Variants in RAD54L observed in about 807,000 individuals in gnomAD.
RAD54L encodes the protein DNA repair and recombination protein RAD54-like.
A neutral mutation model predicts 91.6 loss-of-function variants in RAD54L; 74 were observed. The observed-to-expected ratio is 0.81, with a 90% CI of 0.67 to 0.98. The LOEUF (loss-of-function observed/expected upper bound fraction) is 0.98. Ranked by LOEUF, RAD54L falls within the 50% of genes least tolerant of loss-of-function variation. RAD54L has a pLI of 0.00. For missense variants in RAD54L, 887 were observed against 945.7 expected (o/e 0.94, Z 0.81); for synonymous variants, 304 against 349.7 (o/e 0.87, Z 1.46).
In RAD54L at chr1:46,274,230, C is replaced by A; in HGVS notation, c.1689+14C>A. ...AATAGTCCATCGGTAAATGCACATC[C>A]CCGTCCCCACACCACCAATGCAGTA... On this transcript the variant is annotated intron_variant, in intron 15 of 17. Transcript: ENST00000371975. The A allele has an allele frequency of 6.3e-7, 1 of 1,596,008 alleles. No homozygotes were observed. Among genetic ancestry groups the A allele is most frequent in the East Asian group, 2.2e-5 (1 of 44,770 alleles).
intron 16 of RAD54L, among the ~76,000 whole-genome samples, chr1:46,275,750 A>G (rs1322280551): frequency 1.3e-5 from 2 of 152,158 alleles, no homozygotes; most frequent in African/African-American, 4.8e-5. Context: ...ACCTACCTTC[A>G]AATATACTAC....
intron 3 of RAD54L, among the ~76,000 whole-genome samples, chr1:46,250,968 CAA>C (rs538894200): frequency 9.3e-6 from 1 of 107,904 alleles, no homozygotes. Context: ...GACTCGGTCT[CAA>C]AAAAAAAAAA....
intron 3 of RAD54L, among the ~76,000 whole-genome samples, chr1:46,254,320 C>T (rs1164359176): frequency 2.0e-5 from 3 of 150,368 alleles, no homozygotes; most frequent in Non-Finnish European, 4.4e-5. Context: ...AGGAAGGGGT[C>T]CCAAAGGCAA....
intron 12 of RAD54L, 90 bp downstream of exon 12, chr1:46,272,892 C>A (rs1402081225): frequency 6.5e-7 from 1 of 1,546,874 alleles, no homozygotes; most frequent in Non-Finnish European, 8.9e-7. Flanking sequence ...CACTAAAACT[C>A]GTCCAGAGTC....
In RAD54L at chr1:46,260,749, G is replaced by C; in HGVS notation, c.500G>C (p.Cys167Ser). 1 of 1,614,204 alleles carries C rather than the reference G, an allele frequency of 6.2e-7. No homozygotes were observed. Among genetic ancestry groups the C allele is most frequent in the Non-Finnish European group, 8.5e-7 (1 of 1,180,044 alleles). The part of the protein sequence containing the change: ...QREGVKFLWE[C>S]VTSRRIPGSH... Reference sequence around the variant, plus strand: ...TAGGGAGTGAAATTCCTGTGGGAGTGTGTCACCAGTCGGCGCATCCCTGGC... The same window carrying C: ...TAGGGAGTGAAATTCCTGTGGGAGTCTGTCACCAGTCGGCGCATCCCTGGC... The change falls in exon 7 of 18, where the codon TGT becomes TCT. Residue 167 changes from cysteine (C) to serine (S), a missense_variant. Cys to Ser is a moderately radical substitution (Grantham distance 112, BLOSUM62 -1). Transcript: ENST00000371975.
intron 12 of RAD54L, among the ~76,000 whole-genome samples, chr1:46,273,047 G>C (rs963181207): frequency 1.3e-5 from 2 of 152,216 alleles, no homozygotes; most frequent in African/African-American, 4.8e-5. Context: ...TGTGTCGACT[G>C]TTTGTGAGTG....
Position 46,267,489 on chromosome 1 carries a change from A to T in RAD54L, c.922A>T (p.Thr308Ser). 6.2e-7 allele frequency: 1 copy of T among 1,614,148 alleles called. No individual in the cohort carries two copies. The highest frequency in any genetic ancestry group is 8.5e-7 in the Non-Finnish European group (1 of 1,180,032). ...GHRLKNSENQ[T>S]YQALDSLNTS... ...CAGGCTCAAGAACTCTGAGAATCAG[A>T]CTTACCAAGCCCTGGACAGCTTGAA... Residue 308 changes from threonine to serine, a missense_variant, in exon 9 of 18, where the codon ACT becomes TCT. By Grantham distance (58) the Thr-to-Ser change is moderately conservative (BLOSUM62 1). Transcript: ENST00000371975.
chr1:46,272,679 C>G lies in RAD54L; in HGVS notation c.1252C>G (p.Pro418Ala), dbSNP rs752931468. ...IEQVVCCRLT[P>A]LQTELYKRFL... Reference sequence around the variant, plus strand: ...CCCAGCTGCCTTTTTTAGGCTGACACCCCTTCAGACTGAGTTATACAAGAG... The same window carrying G: ...CCCAGCTGCCTTTTTTAGGCTGACAGCCCTTCAGACTGAGTTATACAAGAG... Residue 418 changes from proline to alanine, a missense_variant, in exon 12 of 18, where the codon CCC becomes GCC. Pro to Ala is a conservative substitution (Grantham distance 27). Transcript: ENST00000371975. 3 of 1,614,104 alleles carry G rather than the reference C, an allele frequency of 1.9e-6. No individual in the cohort carries two copies. Among genetic ancestry groups the G allele is most frequent in the Non-Finnish European group, 2.5e-6 (3 of 1,180,030 alleles).
At chr1:46,267,823 C>T (rs1228339555) in intron 9 of RAD54L, 2 of 650,808 alleles carry the variant, frequency 3.1e-6, no homozygotes, top group Non-Finnish European at 5.4e-6. Context: ...GGCCATTTTT[C>T]CATTGCAGAG....
At chr1:46,268,263 G>A (rs1403701374) in intron 9 of RAD54L, among the ~76,000 whole-genome samples, 1 of 152,070 alleles carries the variant, frequency 6.6e-6, no homozygotes, top group Admixed American at 6.6e-5. Flanking sequence ...CTATTCAGGA[G>A]GCTGTGATCA....
intron 9 of RAD54L, among the ~76,000 whole-genome samples, chr1:46,268,525 G>A (rs1174896109): frequency 6.6e-6 from 1 of 152,184 alleles, no homozygotes; most frequent in Non-Finnish European, 1.5e-5. Context: ...TCTCTCAGCA[G>A]CCCCTTTTCT....
intron 8 of RAD54L, among the ~76,000 whole-genome samples, chr1:46,262,609 A>C (rs1264174741): frequency 6.6e-6 from 1 of 152,068 alleles, no homozygotes; most frequent in Non-Finnish European, 1.5e-5. Flanking sequence ...AGTCAAATAC[A>C]CATTTGTCTG....
chr1:46,251,090 C>A (rs922800696), intron 3 of RAD54L, among the ~76,000 whole-genome samples: 6 of 149,616 alleles, frequency 4.0e-5, no homozygotes, highest in Non-Finnish European at 8.9e-5. Context: ...GGATGGATCA[C>A]CTGAGGTCAG....
chr1:46,248,084 A>C lies in RAD54L; in HGVS notation c.-322A>C, dbSNP rs1659696629. On this transcript the variant is annotated 5_prime_UTR_variant, in exon 1 of 18. Coordinates refer to ENST00000371975, the MANE Select transcript of RAD54L (RefSeq NM_003579.4). ...ACCTCCTCCCTTCACCCGGACTGGGACCATCATCCCCACTCCACTCCGCCC... is the reference window on the plus strand; with the variant it reads ...ACCTCCTCCCTTCACCCGGACTGGGCCCATCATCCCCACTCCACTCCGCCC... 3.4e-5 allele frequency: 6 copies of C among 176,720 alleles called. No homozygotes were observed. The highest frequency in any genetic ancestry group is 3.3e-4 in the South Asian group (6 of 18,192). 10.9% of individuals were successfully genotyped at this position (176,720 alleles called of 1,614,324 possible).
In RAD54L at chr1:46,273,668, C is replaced by A. The variant is rs540912131; in HGVS notation, c.1531C>A (p.Arg511Ser). 1.9e-6 allele frequency: 3 copies of A among 1,613,844 alleles called. No individual in the cohort carries two copies. The highest frequency in any genetic ancestry group is 1.3e-5 in the African/African-American group (1 of 74,864). ...TTATATTCTGGCGGTGACCCGAAGC[C>A]GTAGCAGTGACAAAGTAGTGCTGGT... The part of the protein sequence containing the change: ...LDYILAVTRS[R>S]SSDKVVLVSN... The change falls in exon 14 of 18, where the codon CGT (arginine) becomes AGT (serine). Residue 511 changes from arginine (R) to serine (S), a missense_variant. Physicochemically the swap from Arg to Ser is moderately radical, Grantham distance 110. Transcript: ENST00000371975.
intron 16 of RAD54L, among the ~76,000 whole-genome samples, chr1:46,275,064 G>A (rs1326164822): frequency 6.6e-6 from 1 of 152,066 alleles, no homozygotes; most frequent in Admixed American, 6.5e-5. Context: ...CAGACCATCC[G>A]TCCCATAGTT....
chr1:46,268,106 C>A (rs1410861864), intron 9 of RAD54L, among the ~76,000 whole-genome samples: 2 of 152,146 alleles, frequency 1.3e-5, no homozygotes, highest in Non-Finnish European at 2.9e-5. Context: ...AATAACTCCT[C>A]TACCCTCCCC....
chr1:46,266,950 C>T (rs1660282297), intron 8 of RAD54L, among the ~76,000 whole-genome samples: 1 of 152,224 alleles, frequency 6.6e-6, no homozygotes, highest in Non-Finnish European at 1.5e-5. Flanking sequence ...GCCTAATATT[C>T]TCCATAGTTA....
chr1:46,261,527 C>T, intron 8 of RAD54L, 142 bp downstream of exon 8: 1 of 1,027,076 alleles, frequency 9.7e-7, no homozygotes, highest in Non-Finnish European at 1.5e-6. Flanking sequence ...CAGGGAGAGC[C>T]TGTGATACCA....
Sources: allele counts gnomAD v4.1 joint callset (sites outside exome capture counted in the v4.1 genomes callset), GRCh38; gene constraint gnomAD v4.1.1; transcripts MANE v1.5; gene names NCBI Gene and HGNC (gene_info 2026-07-23, HGNC 2026-07-21).